PHLDB3: variants seen among roughly 807,000 people sequenced by gnomAD.
PHLDB3 encodes pleckstrin homology like domain family B member 3.
PHLDB3 carries 86 observed loss-of-function variants against 85.7 expected under a neutral mutation model. That is an observed-to-expected ratio of 1.00 (90% CI 0.84 to 1.20). PHLDB3 has a LOEUF of 1.20. Among genes scored for constraint, PHLDB3 ranks in the 50% most tolerant of loss-of-function variants. The pLI is 0.00. For missense variants in PHLDB3, 995 were observed against 873.0 expected (o/e 1.14, Z -1.76); for synonymous variants, 376 against 349.8 (o/e 1.07, Z -0.83).
intron 4 of PHLDB3, among the ~76,000 whole-genome samples, chr19:43,500,923 C>CCCCCCCCCCCCCCA (rs1555757872): frequency 2.8e-5 from 3 of 105,760 alleles, no homozygotes; most frequent in Non-Finnish European, 4.3e-5. Context: ...CCCCCCCACC[C>CCCCCCCCCCCCCCA]CGCAAGTACT....
At position 43,502,285 on chromosome 19, in the gene PHLDB3, T is replaced by A. The variant is rs555733520; in HGVS notation, c.214-2A>T. On this transcript the variant is annotated splice_acceptor_variant, in intron 2 of 15. Transcript: ENST00000292140. LOFTEE classifies it high-confidence loss of function. The stretch of plus-strand genomic sequence containing the variant: ...AGCTATCGGAGGCGTAGCCTCGGGC[T>A]GAAGTTGAGGGGGGCGTGGTTAAGT... 26 of 1,552,908 alleles carry A rather than the reference T, an allele frequency of 1.7e-5. No individual in the cohort carries two copies. The highest frequency in any genetic ancestry group is 1.9e-5 in the Non-Finnish European group (22 of 1,154,032).
Position 43,501,859 on chromosome 19 carries a change from C to T in PHLDB3, c.409G>A (p.Val137Met). Residue 137 changes from valine (V) to methionine (M), a missense_variant, in exon 4 of 16, where the codon GTG becomes ATG. By Grantham distance (21) the Val-to-Met change is conservative. Coordinates refer to ENST00000292140, the MANE Select transcript of PHLDB3 (RefSeq NM_198850.4). ...GCCAGCTCACCCCGCAGCAAGGCCACCTCCACCTCCATCTGCGGAGAGAAT... is the reference window on the plus strand; with the variant it reads ...GCCAGCTCACCCCGCAGCAAGGCCATCTCCACCTCCATCTGCGGAGAGAAT... ...KELRIEMEVE[V>M]ALLRGELAGE... 1.3e-6 allele frequency: 2 copies of T among 1,592,706 alleles called. No homozygotes were observed.
At chr19:43,482,570 G>A (rs1167675397) in intron 13 of PHLDB3, among the ~76,000 whole-genome samples, 1 of 152,098 alleles carries the variant, frequency 6.6e-6, no homozygotes, top group African/African-American at 2.4e-5. Context: ...ACAGAGTCTC[G>A]CTCTGTCACC....
Position 43,486,954 on chromosome 19 carries a change from G to A in PHLDB3, c.1249+70C>T, listed in dbSNP as rs1252133479. 17 of 1,481,338 alleles carry A rather than the reference G, an allele frequency of 1.1e-5. No homozygotes were observed. The East Asian group carries it at 3.6e-4, about 31-fold the overall frequency. The allele number at this position is 1,481,338 out of a possible 1,614,324, so 91.8% of individuals were successfully genotyped here. On this transcript the variant is annotated intron_variant, in intron 10 of 15. Transcript: ENST00000292140. ...TTCTCCCCTGCAGGCATAGGTGCGG[G>A]TTTCCTCCATCCTCTGCTGCAGGAT...
chr19:43,497,307 A>G (rs780477342), intron 5 of PHLDB3, 28 bp from the exon 6 acceptor site: 1 of 1,392,978 alleles, frequency 7.2e-7, no homozygotes, highest in Non-Finnish European at 9.4e-7. Context: ...AAAAGGGTGG[A>G]GGCCTGAATC....
chr19:43,499,328 T>C (rs1322428925), intron 4 of PHLDB3, among the ~76,000 whole-genome samples: 2 of 151,466 alleles, frequency 1.3e-5, no homozygotes, highest in Non-Finnish European at 2.9e-5. Context: ...TCAGCCAGAC[T>C]CCTGGGTCAG....
intron 15 of PHLDB3, among the ~76,000 whole-genome samples, chr19:43,477,436 G>A (rs542950819): frequency 6.6e-6 from 1 of 150,900 alleles, no homozygotes; most frequent in East Asian, 2.0e-4. Flanking sequence ...AGAATCGCTT[G>A]AACCCGGGAG....
At chr19:43,490,406 C>T (rs989392348) in intron 9 of PHLDB3, among the ~76,000 whole-genome samples, 2 of 151,828 alleles carry the variant, frequency 1.3e-5, no homozygotes, top group African/African-American at 2.4e-5. Context: ...ACAAAGAATA[C>T]AAAAATTAGC....
intron 13 of PHLDB3, among the ~76,000 whole-genome samples, chr19:43,479,991 G>A (rs748802839): frequency 1.3e-5 from 2 of 151,976 alleles, no homozygotes; most frequent in East Asian, 3.9e-4. Flanking sequence ...AGATCGGGCC[G>A]GGTGTGGTGG....
chr19:43,496,385 G>C (rs1374861911), intron 6 of PHLDB3: 1 of 151,938 alleles, frequency 6.6e-6, no homozygotes, highest in Non-Finnish European at 1.5e-5. Context: ...TTTTCCCAAG[G>C]GTCTCACAAG....
chr19:43,494,782 G>A lies in PHLDB3; in HGVS notation c.1069C>T (p.Leu357=). The A allele has an allele frequency of 6.2e-7, 1 of 1,613,222 alleles. No individual in the cohort carries two copies. The highest frequency in any genetic ancestry group is 8.5e-7 in the Non-Finnish European group (1 of 1,179,720). The part of the protein sequence containing the change: ...LFTQKTDRQL[L]VLQDAVAHSA... Reference sequence around the variant, plus strand: ...TGGGCCACGGCATCCTGGAGCACCAGCAGCTGGCGGTCTGTCTTCTGGGTG... The same window carrying A: ...TGGGCCACGGCATCCTGGAGCACCAACAGCTGGCGGTCTGTCTTCTGGGTG... Residue 357 remains leucine, a synonymous_variant, in exon 9 of 16, where the codon CTG becomes TTG. Coordinates refer to ENST00000292140, the MANE Select transcript of PHLDB3 (RefSeq NM_198850.4).
chr19:43,481,390 G>C (rs930366375), intron 13 of PHLDB3, among the ~76,000 whole-genome samples: 2 of 152,198 alleles, frequency 1.3e-5, no homozygotes, highest in African/African-American at 4.8e-5. Flanking sequence ...AAGCCAAGGT[G>C]GGGGGATCAC....
At chr19:43,477,991 C>A in intron 15 of PHLDB3, 56 bp downstream of exon 15, 1 of 1,445,496 alleles carries the variant, frequency 6.9e-7, no homozygotes, top group African/African-American at 1.4e-5. Context: ...TGAGATAAGG[C>A]CTGACTCCAA....
chr19:43,487,881 T>C (rs1458929175), intron 9 of PHLDB3, among the ~76,000 whole-genome samples: 1 of 151,926 alleles, frequency 6.6e-6, no homozygotes, highest in Non-Finnish European at 1.5e-5. Context: ...GGGCCAGGTG[T>C]GGTGGCTCAC....
Position 43,502,294 on chromosome 19 carries a change from G to A in PHLDB3, c.214-11C>T. ...AGGCGTAGCCTCGGGCTGAAGTTGA[G>A]GGGGGCGTGGTTAAGTGGAGATGCC... On this transcript the variant is annotated splice_polypyrimidine_tract_variant and intron_variant, in intron 2 of 15. Coordinates refer to ENST00000292140, the MANE Select transcript of PHLDB3 (RefSeq NM_198850.4). The A allele has an allele frequency of 6.5e-7, 1 of 1,546,614 alleles. No homozygotes were observed. The highest frequency in any genetic ancestry group is 8.7e-7 in the Non-Finnish European group (1 of 1,151,050).
intron 5 of PHLDB3, 34 bp from the exon 6 acceptor site, chr19:43,497,313 G>A: frequency 1.5e-6 from 2 of 1,376,418 alleles, no homozygotes; most frequent in Non-Finnish European, 1.9e-6. Context: ...GTGGAGGCCT[G>A]AATCCCTAAG....
chr19:43,475,500 G>C lies in PHLDB3; in HGVS notation c.1833C>G (p.Arg611=). 1 of 1,614,002 alleles carries C rather than the reference G, an allele frequency of 6.2e-7. No individual in the cohort carries two copies. Residue 611 remains arginine (R), a synonymous_variant, in exon 16 of 16, where the codon CGC becomes CGG. Coordinates refer to ENST00000292140, the MANE Select transcript of PHLDB3 (RefSeq NM_198850.4). ...GGCTCGGAGCCACCATGTAGAAAAG[G>C]CGTTCGTAGGTTTTGACGCAGAAGG... ...RLTFCVKTYE[R]LFYMVAPSPE...
chr19:43,485,909 G>A (rs936465683), intron 13 of PHLDB3: 147 of 932,728 alleles, frequency 1.6e-4, no homozygotes, highest in African/African-American at 3.4e-4. Flanking sequence ...GGTGGTTCAC[G>A]CTATAATCCC....
chr19:43,501,899 C>T, intron 3 of PHLDB3, 28 bp from the exon 4 acceptor site: 1 of 1,561,196 alleles, frequency 6.4e-7, no homozygotes, highest in Non-Finnish European at 8.7e-7. Context: ...GGGCTGGGGG[C>T]TCGGACGCCT....
Sources: allele counts gnomAD v4.1 joint callset (sites outside exome capture counted in the v4.1 genomes callset), GRCh38; gene constraint gnomAD v4.1.1; transcripts MANE v1.5; gene names NCBI Gene and HGNC (gene_info 2026-07-23, HGNC 2026-07-21).